Variants in SMTN observed in about 807,000 individuals in gnomAD.
The protein encoded by SMTN is smoothelin.
A neutral mutation model predicts 102.0 loss-of-function variants in SMTN; 58 were observed. That is an observed-to-expected ratio of 0.57 (90% CI 0.46 to 0.71). The LOEUF (loss-of-function observed/expected upper bound fraction) is 0.71. Among genes scored for constraint, SMTN ranks in the 30% least tolerant of loss-of-function variants. SMTN has a pLI of 0.00. For synonymous variants in SMTN, 478 were observed against 497.9 expected, an observed-to-expected ratio of 0.96 and a Z score of 0.53; for missense variants, 1,185 against 1,241.7, an observed-to-expected ratio of 0.95 and a Z score of 0.69.
upstream of SMTN, chr22:31,081,306 G>A (rs561669116): frequency 6.6e-6 from 1 of 152,288 alleles, no homozygotes; most frequent in East Asian, 1.9e-4. Context: ...GCGGCTGGAC[G>A]GGCAGCTCTC....
chr22:31,088,359 G>A, intron 3 of SMTN, 154 bp from the exon 4 acceptor site: 2 of 779,006 alleles, frequency 2.6e-6, no homozygotes, highest in Non-Finnish European at 4.2e-6. Context: ...CCACGTCCAT[G>A]GGCATATGTG....
At chr22:31,068,526 A>G (rs2041920298) in intron 1 of SMTN, among the ~76,000 whole-genome samples, 1 of 152,018 alleles carries the variant, frequency 6.6e-6, no homozygotes, top group Non-Finnish European at 1.5e-5. Context: ...GTAGTTATTA[A>G]TTGCTCCCTA....
At position 31,098,590 on chromosome 22, in the gene SMTN, T is replaced by C. The variant is rs369617755; in HGVS notation, c.2160-77T>C. ...TACTAGTGTGCTACAAGACCCCCCC[T>C]CCTCCTCGCGAGTGGTGGTCCAGGC... On this transcript the variant is annotated intron_variant, in intron 16 of 20. Coordinates refer to ENST00000333137, the MANE Select transcript of SMTN (RefSeq NM_134269.3). 1,559 of 1,094,190 alleles carry C rather than the reference T, an allele frequency of 1.4e-3. 11 individuals are homozygous for C. In the South Asian group the frequency reaches 0.019, roughly 13 times the overall value. 67.8% of individuals were successfully genotyped at this position (1,094,190 alleles called of 1,614,324 possible). A position where few individuals can be genotyped will look rare whatever the true frequency, so the allele number is the denominator to read the frequency against.
chr22:31,073,299 G>A lies in SMTN; in HGVS notation c.-385-7151G>A, dbSNP rs115219625. Among the ~76,000 whole-genome samples the A allele has an allele frequency of 2.4e-3, 359 of 152,214 alleles. 2 individuals are homozygous for A. Among genetic ancestry groups the A allele is most frequent in the African/African-American group, 8.5e-3 (351 of 41,520 alleles). On this transcript the variant is annotated intron_variant, in intron 1 of 3. Coordinates refer to the SMTN transcript ENST00000422839. Reference sequence around the variant, plus strand: ...CGCATGCACGCCAGCCCCACAACAGGAGGAATGTAACGGAAGCAATGCTTT... The same window carrying A: ...CGCATGCACGCCAGCCCCACAACAGAAGGAATGTAACGGAAGCAATGCTTT...
At chr22:31,092,480 C>T (rs917352634) in intron 11 of SMTN, 10 of 471,078 alleles carry the variant, frequency 2.1e-5, no homozygotes, top group South Asian at 4.6e-5. Flanking sequence ...ATCCACTAGC[C>T]GGGAGCTCAG....
intron 1 of SMTN, among the ~76,000 whole-genome samples, chr22:31,070,109 C>T (rs1356440413): frequency 1.3e-5 from 2 of 152,112 alleles, no homozygotes; most frequent in African/African-American, 2.4e-5. Flanking sequence ...GCAACTGAAG[C>T]GTATGCAAAT....
At position 31,091,387 on chromosome 22, in the gene SMTN, G is replaced by A. The variant is rs1064178; in HGVS notation, c.1364G>A (p.Gly455Asp). ...GCCGTCGGCACTGCCGAGCCAGGGG[G>A]CAGTATGAAGACCACATTCACCATC... is the stretch of plus-strand genomic sequence containing the variant. ...PVAVGTAEPGGSMKTTFTIEI... is the reference protein window; with the variant it reads ...PVAVGTAEPGDSMKTTFTIEI... Residue 455 changes from glycine to aspartate, a missense_variant, in exon 10 of 21, where the codon GGC becomes GAC. This residue lies in a region of SMTN where 1,096 missense variants were observed against 1,112.7 expected (regional missense o/e 0.98). Transcript: ENST00000333137. 3.1e-6 allele frequency: 5 copies of A among 1,597,450 alleles called. No individual in the cohort carries two copies. In the South Asian group the frequency reaches 4.5e-5, roughly 14 times the overall value.
chr22:31,097,372 GAGT>G, intron 16 of SMTN, 34 bp downstream of exon 16: 8 of 1,589,838 alleles, frequency 5.0e-6, no homozygotes, highest in Non-Finnish European at 6.9e-6. Flanking sequence ...GACCATAGAG[GAGT>G]CAGTGCCACA....
At position 31,101,069 on chromosome 22, in the gene SMTN, C is replaced by G. The variant is rs761445446; in HGVS notation, c.*20+20C>G. 16 of 1,571,082 alleles carry G rather than the reference C, an allele frequency of 1.0e-5. No individual in the cohort carries two copies. In the Admixed American group the frequency reaches 2.8e-4, roughly 28 times the overall value. ...CCCACGGTGAGAAACGCCGCCTCTACCACCTGCCCCGTTTCACCAGAATCT... is the reference window on the plus strand; with the variant it reads ...CCCACGGTGAGAAACGCCGCCTCTAGCACCTGCCCCGTTTCACCAGAATCT... On this transcript the variant is annotated intron_variant, in intron 20 of 20. Transcript: ENST00000333137.
chr22:31,077,395 C>CA (rs58101070), upstream of SMTN, among the ~76,000 whole-genome samples: 101 of 148,516 alleles, frequency 6.8e-4, no homozygotes, highest in South Asian at 1.9e-3. Flanking sequence ...CAAAACAAAA[C>CA]AAAAAAAAAA....
In SMTN at chr22:31,091,257, C is replaced by T. The variant is rs1377276417; in HGVS notation, c.1234C>T (p.Gln412Ter). Residue 412 changes from glutamine (Q) to a stop codon, truncating the protein, a stop_gained, in exon 10 of 21, where the codon CAG becomes TAG. Coordinates refer to ENST00000333137, the MANE Select transcript of SMTN (RefSeq NM_134269.3). LOFTEE classifies it high-confidence loss of function. ...CCTGGCCCAGCTTCGAAGCTGCCCC[C>T]AGGAGGAGGGCCCCAGGGGGCGGGG... is the stretch of plus-strand genomic sequence containing the variant. The part of the protein sequence containing the change: ...QPLAQLRSCP[Q>*]EEGPRGRGLA... The T allele has an allele frequency of 6.2e-7, 1 of 1,602,868 alleles. No individual in the cohort carries two copies. The highest frequency in any genetic ancestry group is 8.5e-7 in the Non-Finnish European group (1 of 1,175,016).
Position 31,089,920 on chromosome 22 carries a change from A to G in SMTN, c.693A>G (p.Pro231=). 1.2e-6 allele frequency: 2 copies of G among 1,608,454 alleles called. No homozygotes were observed. Among genetic ancestry groups the G allele is most frequent in the Non-Finnish European group, 1.7e-6 (2 of 1,177,350 alleles). The change falls in exon 7 of 21, where the codon CCA becomes CCG. Residue 231 remains proline, a synonymous_variant. Coordinates refer to ENST00000333137, the MANE Select transcript of SMTN (RefSeq NM_134269.3). ...CCCAGTGCCTTACAGCTGAGGTTCC[A>G]GGCAGCCCAGAGCCACCCCCCAGCC... ...AEAQCLTAEV[P]GSPEPPPSPP...
chr22:31,091,254 C>T lies in SMTN; in HGVS notation c.1231C>T (p.Pro411Ser). Residue 411 changes from proline to serine, a missense_variant, in exon 10 of 21, where the codon CCC becomes TCC. Physicochemically the swap from Pro to Ser is moderately conservative, Grantham distance 74 (BLOSUM62 -1). Transcript: ENST00000333137. ...AQPLAQLRSCPQEEGPRGRGL... is the reference protein window; with the variant it reads ...AQPLAQLRSCSQEEGPRGRGL... The stretch of plus-strand genomic sequence containing the variant: ...GCCCCTGGCCCAGCTTCGAAGCTGC[C>T]CCCAGGAGGAGGGCCCCAGGGGGCG... 6.2e-7 allele frequency: 1 copy of T among 1,603,598 alleles called. No individual in the cohort carries two copies. The highest frequency in any genetic ancestry group is 8.5e-7 in the Non-Finnish European group (1 of 1,175,350).
At chr22:31,066,937 G>C (rs2041864704) in intron 1 of SMTN, 2 of 151,362 alleles carry the variant, frequency 1.3e-5, no homozygotes, top group Admixed American at 1.3e-4. Context: ...GTATTTTTTT[G>C]TAAAGACAGA....
intron 20 of SMTN, 178 bp from the exon 21 acceptor site, chr22:31,104,138 G>A (rs990938992): frequency 4.6e-6 from 3 of 650,288 alleles, no homozygotes; most frequent in Non-Finnish European, 7.8e-6. Context: ...CCCGAGAGAT[G>A]CCTCCAGGCT....
Position 31,100,925 on chromosome 22 carries a change from A to C in SMTN, c.2644A>C (p.Met882Leu). 1.9e-6 allele frequency: 3 copies of C among 1,590,462 alleles called. No individual in the cohort carries two copies. Among genetic ancestry groups the C allele is most frequent in the South Asian group, 1.1e-5 (1 of 90,234 alleles). ...CCCGCAGCTCCTGGATACAGAGGAC[A>C]TGGTGCGGCTTCGAGAGCCTGACTG... is the stretch of plus-strand genomic sequence containing the variant. Reference protein sequence around the residue: ...DCPQLLDTEDMVRLREPDWKC... With the variant: ...DCPQLLDTEDLVRLREPDWKC... Residue 882 changes from methionine (M) to leucine (L), a missense_variant, in exon 20 of 21, where the codon ATG becomes CTG. Physicochemically the swap from Met to Leu is conservative, Grantham distance 15. Transcript: ENST00000333137.
intron 3 of SMTN, 68 bp from the exon 4 acceptor site, chr22:31,088,445 T>C: frequency 7.0e-7 from 1 of 1,421,096 alleles, no homozygotes; most frequent in South Asian, 1.2e-5. Flanking sequence ...TTCTGGCTCC[T>C]ACCCTTAGCC....
At chr22:31,076,521 A>G (rs2042134472), upstream of SMTN, among the ~76,000 whole-genome samples, 1 of 152,232 alleles carries the variant, frequency 6.6e-6, no homozygotes, top group Non-Finnish European at 1.5e-5. Flanking sequence ...ACAGAACATT[A>G]GCATCTGCTT....
At chr22:31,090,042 G>A (rs1244255895) in intron 7 of SMTN, 23 bp downstream of exon 7, 1 of 1,610,332 alleles carries the variant, frequency 6.2e-7, no homozygotes, top group South Asian at 1.1e-5. Flanking sequence ...GAGGGGCAGG[G>A]ATGCCAGGCA....
Sources: allele counts gnomAD v4.1 joint callset (sites outside exome capture counted in the v4.1 genomes callset), GRCh38; gene constraint gnomAD v4.1.1; regional missense constraint gnomAD v4.1.1; transcripts MANE v1.5; gene names NCBI Gene and HGNC (gene_info 2026-07-23, HGNC 2026-07-21).